MGST2: variants seen among roughly 807,000 people sequenced by gnomAD.
The protein encoded by MGST2 is glutathione peroxidase MGST2.
Under a neutral mutation model 16.6 loss-of-function variants are expected in MGST2, and 9 were observed. The ratio of observed to expected loss-of-function variants is 0.54; its 90% CI spans 0.33 to 0.95. MGST2 has a LOEUF of 0.95. MGST2 is among the 40% of genes least tolerant of loss of function. MGST2 has a pLI of 0.03. For missense variants in MGST2, 159 were observed against 175.1 expected (o/e 0.91, Z 0.52); for synonymous variants, 79 against 68.0 (o/e 1.16, Z -0.79).
intron 2 of MGST2, among the ~76,000 whole-genome samples, chr4:139,691,697 G>GATGATGATTATT (rs1462911789): frequency 2.9e-5 from 4 of 137,458 alleles, no homozygotes; most frequent in African/African-American, 1.3e-4. Context: ...TGATGATGAT[G>GATGATGATTATT]ATTATTATTA....
rs780587252 is a variant in MGST2, at chr4:139,695,219, C to T, written c.181C>T (p.Pro61Ser). ...CAGACAAAACTGTGTGGAGTTTTAT[C>T]CTATATTCATAATTACATTGTGGAT... ...RAQQNCVEFY[P>S]IFIITLWMAG... The change falls in exon 3 of 5, where the codon CCT (proline) becomes TCT (serine). Residue 61 changes from proline (P) to serine (S), a missense_variant. Coordinates refer to ENST00000265498, the MANE Select transcript of MGST2 (RefSeq NM_002413.5). 3.7e-6 allele frequency: 6 copies of T among 1,612,940 alleles called. No homozygotes were observed. Among genetic ancestry groups the T allele is most frequent in the South Asian group, 1.1e-5 (1 of 91,058 alleles).
intron 2 of MGST2, among the ~76,000 whole-genome samples, chr4:139,690,061 G>C (rs1371785237): frequency 6.6e-6 from 1 of 151,848 alleles, no homozygotes; most frequent in East Asian, 1.9e-4. Flanking sequence ...GTGCGATCTT[G>C]GCTCACTGCA....
In MGST2 at chr4:139,665,883, G is replaced by T; in HGVS notation, c.-137G>T. 1 of 831,168 alleles carries T rather than the reference G, an allele frequency of 1.2e-6. No homozygotes were observed. Among genetic ancestry groups the T allele is most frequent in the Non-Finnish European group, 2.0e-6 (1 of 492,556 alleles). The allele number at this position is 831,168 out of a possible 1,614,324, so 51.5% of individuals were successfully genotyped here. A position where few individuals can be genotyped will look rare whatever the true frequency, so the allele number is the denominator to read the frequency against. ...TCCTGACTTCTGTTCCAGAGCAAAG[G>T]TCATTCAGCCGCTTGAATCAGCCTT... is the stretch of plus-strand genomic sequence containing the variant. On this transcript the variant is annotated 5_prime_UTR_variant, in exon 1 of 5. Coordinates refer to ENST00000265498, the MANE Select transcript of MGST2 (RefSeq NM_002413.5).
intron 2 of MGST2, among the ~76,000 whole-genome samples, chr4:139,685,599 G>A (rs1731516070): frequency 6.6e-6 from 1 of 152,036 alleles, no homozygotes; most frequent in African/African-American, 2.4e-5. Flanking sequence ...GATATCCTGT[G>A]CACACCCATT....
At chr4:139,679,652 T>C (rs905580542) in intron 2 of MGST2, among the ~76,000 whole-genome samples, 1 of 152,226 alleles carries the variant, frequency 6.6e-6, no homozygotes, top group Non-Finnish European at 1.5e-5. Flanking sequence ...ATGATAACAT[T>C]GGTCTCTTGA....
chr4:139,714,249 A>G (rs1346596890), intron 5 of MGST2, among the ~76,000 whole-genome samples: 1 of 152,244 alleles, frequency 6.6e-6, no homozygotes, highest in Non-Finnish European at 1.5e-5. Context: ...AATTCATGGC[A>G]CAAAATACAC....
Position 139,695,273 on chromosome 4 carries a change from GT to G in MGST2, c.229+8del. The G allele has an allele frequency of 6.2e-7, 1 of 1,600,908 alleles. No individual in the cohort carries two copies. The highest frequency in any genetic ancestry group is 8.6e-7 in the Non-Finnish European group (1 of 1,168,004). On this transcript the variant is annotated splice_region_variant and intron_variant, in intron 3 of 4. Coordinates refer to ENST00000265498, the MANE Select transcript of MGST2 (RefSeq NM_002413.5). ...TGGGTGGTATTTCAACCAAGGTAAT[GT>G]TAAAATACAGTCAACTGTGTTCTAA...
At chr4:139,691,548 C>T (rs970006574) in intron 2 of MGST2, among the ~76,000 whole-genome samples, 5 of 151,972 alleles carry the variant, frequency 3.3e-5, no homozygotes. Context: ...GAGGAGGTGA[C>T]AATTAGCAGG....
In MGST2 at chr4:139,666,117, C is replaced by CGTGT. The variant is rs1553943707; in HGVS notation, c.58+54_58+57dup. ...AAGTTCGTGTGTGTGCGCGTGTGTG[C>CGTGT]GTGTGTGTGTGTGTGTGACAAGGCT... On this transcript the variant is annotated intron_variant, in intron 1 of 4. Transcript: ENST00000265498. The CGTGT allele has an allele frequency of 3.3e-5, 34 of 1,025,412 alleles. No individual in the cohort carries two copies. In the East Asian group the frequency reaches 6.8e-4, roughly 20 times the overall value. The allele number at this position is 1,025,412 out of a possible 1,614,324, so 63.5% of individuals were successfully genotyped here.
chr4:139,730,623 C>T, intron 5 of MGST2: 1 of 1,613,226 alleles, frequency 6.2e-7, no homozygotes, highest in Non-Finnish European at 8.5e-7. Flanking sequence ...GCACGGAGGA[C>T]TGCATGGGGC....
intron 2 of MGST2, among the ~76,000 whole-genome samples, chr4:139,693,736 G>C (rs1392122614): frequency 2.0e-5 from 3 of 152,248 alleles, no homozygotes; most frequent in Non-Finnish European, 4.4e-5. Flanking sequence ...CGGTTTGCAA[G>C]AGTATCAGTG....
intron 5 of MGST2, among the ~76,000 whole-genome samples, chr4:139,714,034 C>T (rs779013809): frequency 8.6e-5 from 13 of 151,970 alleles, no homozygotes; most frequent in Non-Finnish European, 1.8e-4. Context: ...AGGTGGAGAC[C>T]ACGGGAAGGT....
chr4:139,707,493 AT>A (rs1727565903), downstream of MGST2, among the ~76,000 whole-genome samples: 1 of 152,182 alleles, frequency 6.6e-6, no homozygotes, highest in Non-Finnish European at 1.5e-5. Context: ...GCTATTGTGA[AT>A]AATGCCGCAA....
At chr4:139,730,504 G>T in intron 5 of MGST2, 1 of 1,555,606 alleles carries the variant, frequency 6.4e-7, no homozygotes, top group Non-Finnish European at 8.7e-7. Flanking sequence ...TATCAACTGG[G>T]CCCGCTGATC....
intron 2 of MGST2, among the ~76,000 whole-genome samples, chr4:139,681,018 A>G (rs1052293388): frequency 1.4e-5 from 2 of 140,756 alleles, no homozygotes; most frequent in African/African-American, 5.6e-5. Context: ...CTTCTGTTTT[A>G]GAATTTTTTT....
At chr4:139,725,488 C>G (rs1728430970) in intron 5 of MGST2, among the ~76,000 whole-genome samples, 1 of 152,112 alleles carries the variant, frequency 6.6e-6, no homozygotes, top group Non-Finnish European at 1.5e-5. Flanking sequence ...TGTTCTAGTC[C>G]CAACTCCGAC....
intron 1 of MGST2, among the ~76,000 whole-genome samples, chr4:139,678,036 C>T (rs1253275763): frequency 6.6e-6 from 1 of 152,170 alleles, no homozygotes; most frequent in Non-Finnish European, 1.5e-5. Context: ...ATTTCTGTAG[C>T]CTCAAGATGG....
At chr4:139,690,420 T>C (rs1246242936) in intron 2 of MGST2, among the ~76,000 whole-genome samples, 2 of 152,196 alleles carry the variant, frequency 1.3e-5, no homozygotes, top group East Asian at 3.8e-4. Flanking sequence ...GGATTACAGG[T>C]GTGAACCAGC....
At chr4:139,705,028 A>G (rs1727466550), downstream of MGST2, among the ~76,000 whole-genome samples, 1 of 152,152 alleles carries the variant, frequency 6.6e-6, no homozygotes, top group Non-Finnish European at 1.5e-5. Flanking sequence ...ATACTGTAAA[A>G]CCAGGTTTTT....
Sources: allele counts gnomAD v4.1 joint callset (sites outside exome capture counted in the v4.1 genomes callset), GRCh38; gene constraint gnomAD v4.1.1; transcripts MANE v1.5; gene names NCBI Gene and HGNC (gene_info 2026-07-23, HGNC 2026-07-21).